The following ITGA9 variants were observed in gnomAD, a reference collection of about 807,000 sequenced individuals.
ITGA9 encodes the protein integrin subunit alpha 9.
A neutral mutation model predicts 127.8 loss-of-function variants in ITGA9; 56 were observed. The ratio of observed to expected loss-of-function variants is 0.44; its 90% confidence interval spans 0.35 to 0.55. ITGA9 has a LOEUF of 0.55. Ranked by LOEUF, ITGA9 falls within the 20% of genes least tolerant of loss-of-function variation. The pLI, the probability that ITGA9 is intolerant of heterozygous loss-of-function variation, is 0.00. For missense variants in ITGA9, 1,196 were observed against 1,347.1 expected, an observed-to-expected ratio of 0.89 and a Z score of 1.76; for synonymous variants, 508 against 514.5, an observed-to-expected ratio of 0.99 and a Z score of 0.17.
Position 37,503,219 on chromosome 3 carries a change from T to G in ITGA9, c.654T>G (p.Ala218=), listed in dbSNP as rs1239484624. ...VMGAPGSFYW[A]GTIKVLNLTD... ...GTGCTCCAGGGTCATTTTATTGGGC[T>G]GGAACCATCAAAGTGCTGAACCTTA... is the stretch of plus-strand genomic sequence containing the variant. The change falls in exon 6 of 28, where the codon GCT becomes GCG. Residue 218 remains alanine (A), a synonymous_variant. Transcript: ENST00000264741. 6.2e-7 allele frequency: 1 copy of G among 1,614,072 alleles called. No homozygotes were observed. Among genetic ancestry groups the G allele is most frequent in the Admixed American group, 1.7e-5 (1 of 60,008 alleles).
At chr3:37,712,421 T>C (rs766891534) in intron 18 of ITGA9, among the ~76,000 whole-genome samples, 4 of 152,242 alleles carry the variant, frequency 2.6e-5, no homozygotes, top group Non-Finnish European at 5.9e-5. Context: ...TGTCCTTTTT[T>C]CTAGGGCCTT....
chr3:37,694,999 G>A (rs1700869468), intron 18 of ITGA9, among the ~76,000 whole-genome samples: 1 of 152,152 alleles, frequency 6.6e-6, no homozygotes, highest in African/African-American at 2.4e-5. Context: ...GCAGGACAGG[G>A]CAGGACTGAA....
Position 37,526,017 on chromosome 3 carries a change from C to G in ITGA9, c.1328-9C>G. The G allele has an allele frequency of 6.2e-7, 1 of 1,613,570 alleles. No homozygotes were observed. The highest frequency in any genetic ancestry group is 1.7e-4 in the Middle Eastern group (1 of 5,930). On this transcript the variant is annotated splice_polypyrimidine_tract_variant and intron_variant, in intron 12 of 27. Coordinates refer to ENST00000264741, the MANE Select transcript of ITGA9 (RefSeq NM_002207.3). ...AAGTTTCTGAACGCTGTAAACTTCT[C>G]ATTTTCAGATGTCACTGTTGGAGCC... is the stretch of plus-strand genomic sequence containing the variant.
chr3:37,527,286 G>A (rs77820597), intron 13 of ITGA9, among the ~76,000 whole-genome samples: 8,507 of 152,286 alleles, frequency 0.056, 283 homozygotes, highest in East Asian at 0.094. Context: ...CTTTTGCACC[G>A]TTGTGAAGTT....
chr3:37,683,516 G>A (rs535097120), intron 17 of ITGA9, among the ~76,000 whole-genome samples: 1 of 152,308 alleles, frequency 6.6e-6, no homozygotes, highest in South Asian at 2.1e-4. Flanking sequence ...ACGGAGTAGT[G>A]GCTGGCACAT....
At position 37,757,408 on chromosome 3, in the gene ITGA9, A is replaced by G. The variant is rs769256087; in HGVS notation, c.2541+6839A>G. 5.4e-4 allele frequency among the ~76,000 whole-genome samples: 82 copies of G among 151,990 alleles called. No individual in the cohort carries two copies. In the Middle Eastern group the frequency reaches 0.01, roughly 19 times the overall value. ...TGGGCATGGTTGGCTCATGCCTGTAATCCCAGGACTTTAGGAGGCTAAGGC... is the reference window on the plus strand; with the variant it reads ...TGGGCATGGTTGGCTCATGCCTGTAGTCCCAGGACTTTAGGAGGCTAAGGC... On this transcript the variant is annotated intron_variant, in intron 23 of 27. Coordinates refer to ENST00000264741, the MANE Select transcript of ITGA9 (RefSeq NM_002207.3).
chr3:37,468,176 G>A (rs1310110909), intron 1 of ITGA9, among the ~76,000 whole-genome samples: 2 of 151,992 alleles, frequency 1.3e-5, no homozygotes, highest in Non-Finnish European at 2.9e-5. Context: ...CACCTGGGGA[G>A]GTGCATCCCA....
chr3:37,489,576 G>A (rs984801044), intron 4 of ITGA9, among the ~76,000 whole-genome samples: 24 of 151,940 alleles, frequency 1.6e-4, no homozygotes, highest in African/African-American at 4.8e-4. Context: ...AAATGTTCTC[G>A]CTTCCTCTTT....
intron 15 of ITGA9, among the ~76,000 whole-genome samples, chr3:37,581,503 G>T (rs1699709492): frequency 6.6e-6 from 1 of 152,210 alleles, no homozygotes; most frequent in African/African-American, 2.4e-5. Context: ...GAGAATGCGT[G>T]TTCTTAGGCC....
chr3:37,686,957 C>T (rs1044705751), intron 18 of ITGA9, among the ~76,000 whole-genome samples: 11 of 152,130 alleles, frequency 7.2e-5, no homozygotes, highest in African/African-American at 2.2e-4. Flanking sequence ...CCCCAACCTG[C>T]TTAACAACCC....
At chr3:37,578,744 C>A (rs1559541181) in intron 15 of ITGA9, among the ~76,000 whole-genome samples, 1 of 152,128 alleles carries the variant, frequency 6.6e-6, no homozygotes, top group Non-Finnish European at 1.5e-5. Flanking sequence ...GTCATAATCT[C>A]AGCAGGCTCC....
chr3:37,486,000 A>G (rs1220009065), intron 4 of ITGA9, among the ~76,000 whole-genome samples: 2 of 152,230 alleles, frequency 1.3e-5, no homozygotes, highest in Non-Finnish European at 2.9e-5. Flanking sequence ...TTAAAGGGCA[A>G]GCACTATAAA....
At chr3:37,475,996 G>T (rs1257075088) in intron 3 of ITGA9, among the ~76,000 whole-genome samples, 2 of 152,150 alleles carry the variant, frequency 1.3e-5, no homozygotes, top group Non-Finnish European at 2.9e-5. Flanking sequence ...TGTCCTCAAG[G>T]TTCATCATGT....
At chr3:37,614,554 G>A (rs1371252409) in intron 15 of ITGA9, among the ~76,000 whole-genome samples, 4 of 150,796 alleles carry the variant, frequency 2.7e-5, no homozygotes, top group Non-Finnish European at 5.9e-5. Context: ...ATTACCTTGG[G>A]CAGTATGGCC....
At chr3:37,753,611 C>T (rs1464230428) in intron 23 of ITGA9, 1 of 152,176 alleles carries the variant, frequency 6.6e-6, no homozygotes, top group African/African-American at 2.4e-5. Flanking sequence ...GTAAGTGTTC[C>T]GTATGCCTTC....
rs757917871 is a variant in ITGA9 at position 37,511,964 on chromosome 3, CTTTCTTTTCTTTTCTTTTCTTTT to C, written c.898-1798_898-1776del. Among the ~76,000 whole-genome samples the C allele has an allele frequency of 7.5e-3, 663 of 88,210 alleles. 38 individuals carry two copies. Among genetic ancestry groups the C allele is most frequent in the Admixed American group, 0.023 (194 of 8,338 alleles). The allele number at this position is 88,210 out of a possible 152,430, so 57.9% of individuals were successfully genotyped here. ...ATTTTAAAAGAATAATGCTTTTTCTCTTTCTTTTCTTTTCTTTTCTTTTCTTTTCTTTTCTTTTCTTTTCTTTT... is the reference window on the plus strand; with the variant it reads ...ATTTTAAAAGAATAATGCTTTTTCTCCTTTTCTTTTCTTTTCTTTTCTTTT... On this transcript the variant is annotated intron_variant, in intron 8 of 27. Transcript: ENST00000264741.
At chr3:37,641,306 C>T (rs552119966) in intron 16 of ITGA9, among the ~76,000 whole-genome samples, 4 of 152,252 alleles carry the variant, frequency 2.6e-5, no homozygotes, top group African/African-American at 4.8e-5. Flanking sequence ...CCCCCTCCAC[C>T]GCCCGTTCAT....
rs1697410421 is a variant in ITGA9, at chr3:37,814,801, TC to T, written c.3010-4085del. ...CATGATATCTGTGATGTGAGTGGTA[TC>T]CCCCAGCCCCTTAAATGCAGTGTAG... On this transcript the variant is annotated intron_variant, in intron 27 of 27. Transcript: ENST00000264741. The surrounding 1 kb of genome is among the most constrained non-coding windows in gnomAD (Gnocchi z 4.3). Among the ~76,000 whole-genome samples the T allele has an allele frequency of 6.6e-6, 1 of 152,290 alleles. No individual in the cohort carries two copies. The highest frequency in any genetic ancestry group is 1.9e-4 in the East Asian group (1 of 5,180).
chr3:37,672,792 A>AT (rs1434805026), intron 17 of ITGA9, among the ~76,000 whole-genome samples: 1 of 152,156 alleles, frequency 6.6e-6, no homozygotes, highest in African/African-American at 2.4e-5. Context: ...AGAAATACCA[A>AT]TTTTTATTAT....
Sources: allele counts gnomAD v4.1 joint callset (sites outside exome capture counted in the v4.1 genomes callset), GRCh38; gene constraint gnomAD v4.1.1; non-coding constraint Gnocchi (gnomAD v3.1); transcripts MANE v1.5; gene names NCBI Gene and HGNC (gene_info 2026-07-23, HGNC 2026-07-21).